MAP1B: variants seen among roughly 807,000 people sequenced by gnomAD.
The protein encoded by MAP1B is microtubule associated protein 1B, also known as microtubule-associated protein 1B.
Under a neutral mutation model 176.1 loss-of-function variants are expected in MAP1B, and 12 were observed. That is an observed-to-expected ratio of 0.07 (90% CI 0.04 to 0.11). The LOEUF is 0.11. Ranked by LOEUF, MAP1B falls within the 10% of genes least tolerant of loss-of-function variation. The pLI is 1.00. For missense variants in MAP1B, 2,523 were observed against 2,990.5 expected (o/e 0.84, Z 3.65); for synonymous variants, 1,044 against 1,135.0 (o/e 0.92, Z 1.61).
chr5:72,142,714 C>T (rs1488555829), intron 2 of MAP1B, among the ~76,000 whole-genome samples: 1 of 150,342 alleles, frequency 6.7e-6, no homozygotes, highest in Non-Finnish European at 1.5e-5. Flanking sequence ...GAAAAATTCT[C>T]CAGCATAAGT....
At chr5:72,108,785 G>A (rs1312136035) in intron 1 of MAP1B, among the ~76,000 whole-genome samples, 1 of 152,118 alleles carries the variant, frequency 6.6e-6, no homozygotes, top group Non-Finnish European at 1.5e-5. Context: ...CTCTCAGTTT[G>A]CCTGGCTTTG....
At chr5:72,151,107 G>C (rs1393654718) in intron 2 of MAP1B, among the ~76,000 whole-genome samples, 3 of 152,102 alleles carry the variant, frequency 2.0e-5, no homozygotes, top group African/African-American at 7.2e-5. Flanking sequence ...CATCTGCTTG[G>C]CTTCTGGTGG....
chr5:72,114,438 G>C (rs1271734237), intron 1 of MAP1B, among the ~76,000 whole-genome samples: 2 of 152,170 alleles, frequency 1.3e-5, no homozygotes, highest in Non-Finnish European at 2.9e-5. Flanking sequence ...CACCTGCTGT[G>C]TTATACCTAG....
At chr5:72,153,376 A>C (rs1230824216) in intron 2 of MAP1B, among the ~76,000 whole-genome samples, 9 of 152,072 alleles carry the variant, frequency 5.9e-5, no homozygotes, top group Non-Finnish European at 1.2e-4. Flanking sequence ...GACAAGAACC[A>C]CTCATATAAA....
Position 72,197,657 on chromosome 5 carries a change from A to T in MAP1B, c.4302A>T (p.Gly1434=). ...AAAGTCCTTTTGAAGAAAAGAGTGG[A>T]AAACAAGGCTCTCCAGACCAAGTAA... The part of the protein sequence containing the change: ...GAESPFEEKS[G]KQGSPDQVSP... Residue 1434 remains glycine (G), a synonymous_variant, in exon 5 of 7, where the codon GGA becomes GGT. Coordinates refer to ENST00000296755, the MANE Select transcript of MAP1B (RefSeq NM_005909.5). 1.2e-6 allele frequency: 2 copies of T among 1,614,236 alleles called. No individual in the cohort carries two copies. The highest frequency in any genetic ancestry group is 1.7e-6 in the Non-Finnish European group (2 of 1,180,040).
Position 72,197,658 on chromosome 5 carries a change from A to C in MAP1B, c.4303A>C (p.Lys1435Gln). The C allele has an allele frequency of 6.2e-7, 1 of 1,614,220 alleles. No homozygotes were observed. Among genetic ancestry groups the C allele is most frequent in the South Asian group, 1.1e-5 (1 of 91,086 alleles). Residue 1435 changes from lysine (K) to glutamine (Q), a missense_variant, in exon 5 of 7, where the codon AAA (lysine) becomes CAA (glutamine). Lys to Gln is a moderately conservative substitution (Grantham distance 53). This residue lies in a region of MAP1B where 1,925 missense variants were observed against 2,126.0 expected (regional missense o/e 0.91). Coordinates refer to ENST00000296755, the MANE Select transcript of MAP1B (RefSeq NM_005909.5). ...AAGTCCTTTTGAAGAAAAGAGTGGA[A>C]AACAAGGCTCTCCAGACCAAGTAAG... Reference protein sequence around the residue: ...AESPFEEKSGKQGSPDQVSPV... With the variant: ...AESPFEEKSGQQGSPDQVSPV...
intron 2 of MAP1B, among the ~76,000 whole-genome samples, chr5:72,117,405 G>A (rs1025768165): frequency 1.6e-4 from 25 of 152,078 alleles, no homozygotes; most frequent in African/African-American, 6.0e-4. Context: ...ATGATTGTTT[G>A]TAAGACTTCT....
At position 72,194,516 on chromosome 5, in the gene MAP1B, C is replaced by T. The variant is rs760190047; in HGVS notation, c.1161C>T (p.Tyr387=). Reference sequence around the variant, plus strand: ...AAGAAGCCTGCTTCACTCTCCAGTACCTAAACAAATTGTCCATGAAACCAG... The same window carrying T: ...AAGAAGCCTGCTTCACTCTCCAGTATCTAAACAAATTGTCCATGAAACCAG... ...SIEEACFTLQ[Y]LNKLSMKPEP... Residue 387 remains tyrosine (Y), a synonymous_variant, in exon 5 of 7, where the codon TAC becomes TAT. Coordinates refer to ENST00000296755, the MANE Select transcript of MAP1B (RefSeq NM_005909.5). This position sits in a 1 kb window ranked among gnomAD's most constrained non-coding sequence, Gnocchi z 7.2. 6.2e-7 allele frequency: 1 copy of T among 1,614,086 alleles called. No individual in the cohort carries two copies. The highest frequency in any genetic ancestry group is 1.7e-5 in the Admixed American group (1 of 60,022).
At chr5:72,180,345 G>A (rs182642562) in intron 2 of MAP1B, among the ~76,000 whole-genome samples, 11 of 152,096 alleles carry the variant, frequency 7.2e-5, no homozygotes, top group African/African-American at 2.7e-4. Context: ...CTTCTCCTTG[G>A]TCTTAAGCTT....
At chr5:72,165,211 T>G (rs1486068017) in intron 2 of MAP1B, among the ~76,000 whole-genome samples, 1 of 152,230 alleles carries the variant, frequency 6.6e-6, no homozygotes, top group Non-Finnish European at 1.5e-5. Context: ...GTCCATATTT[T>G]AATTCTTTGC....
chr5:72,127,484 A>G (rs897611033), intron 2 of MAP1B, among the ~76,000 whole-genome samples: 10 of 152,326 alleles, frequency 6.6e-5, no homozygotes, highest in South Asian at 2.1e-4. Flanking sequence ...ATTTGCAAAA[A>G]AGTGTTAATT....
At chr5:72,130,926 T>C (rs932481679) in intron 2 of MAP1B, among the ~76,000 whole-genome samples, 1 of 152,262 alleles carries the variant, frequency 6.6e-6, no homozygotes, top group Non-Finnish European at 1.5e-5. Flanking sequence ...CCAAGATGTG[T>C]GGTTTTTCCA....
chr5:72,181,895 T>G (rs1427636128), intron 2 of MAP1B, among the ~76,000 whole-genome samples: 1 of 152,006 alleles, frequency 6.6e-6, no homozygotes, highest in Non-Finnish European at 1.5e-5. Flanking sequence ...TGGCTAATTT[T>G]TTGTATTTTT....
At chr5:72,172,497 C>A (rs947037371) in intron 2 of MAP1B, among the ~76,000 whole-genome samples, 9 of 152,064 alleles carry the variant, frequency 5.9e-5, no homozygotes, top group Non-Finnish European at 1.3e-4. Context: ...TAAAAGGCAG[C>A]TGGTTTTGAG....
At position 72,195,286 on chromosome 5, in the gene MAP1B, T is replaced by C; in HGVS notation, c.1931T>C (p.Val644Ala). 6.2e-7 allele frequency: 1 copy of C among 1,611,426 alleles called. No individual in the cohort carries two copies. ...AAGACGGTGAAAAAGGAAACAAAGG[T>C]AAAGCCTGAAGACAAGAAAGAGGAG... ...KEKTVKKETK[V>A]KPEDKKEEKE... Residue 644 changes from valine to alanine, a missense_variant, in exon 5 of 7, where the codon GTA becomes GCA. Transcript: ENST00000296755.
chr5:72,112,819 A>C (rs957052711), intron 1 of MAP1B, among the ~76,000 whole-genome samples: 1 of 152,212 alleles, frequency 6.6e-6, no homozygotes, highest in African/African-American at 2.4e-5. Flanking sequence ...ATGCTGGGGA[A>C]ACAAAGCCTC....
At chr5:72,127,414 G>T (rs73121669) in intron 2 of MAP1B, among the ~76,000 whole-genome samples, 2,175 of 152,254 alleles carry the variant, frequency 0.014, 54 homozygotes, top group African/African-American at 0.049. Flanking sequence ...TTGAATGGCT[G>T]TTGATTTTTA....
chr5:72,155,959 G>A (rs1746223319), intron 2 of MAP1B, among the ~76,000 whole-genome samples: 1 of 152,002 alleles, frequency 6.6e-6, no homozygotes, highest in African/African-American at 2.4e-5. Flanking sequence ...TAGAGACAGG[G>A]TTTTACCACA....
chr5:72,166,913 A>G (rs889356215), intron 2 of MAP1B, among the ~76,000 whole-genome samples: 1 of 152,200 alleles, frequency 6.6e-6, no homozygotes, highest in Non-Finnish European at 1.5e-5. Context: ...GGGGCAGTCC[A>G]GGAAACAAGA....
Sources: allele counts gnomAD v4.1 joint callset (sites outside exome capture counted in the v4.1 genomes callset), GRCh38; gene constraint gnomAD v4.1.1; regional missense constraint gnomAD v4.1.1; non-coding constraint Gnocchi (gnomAD v3.1); transcripts MANE v1.5; gene names NCBI Gene and HGNC (gene_info 2026-07-23, HGNC 2026-07-21).